The following ADCK1 variants were observed in gnomAD, a reference collection of about 807,000 sequenced individuals.
ADCK1 encodes the protein aarF domain containing kinase 1, also known as aarF domain-containing protein kinase 1.
In ADCK1, 41 loss-of-function variants were observed where a neutral mutation model predicts 52.3. The ratio of observed to expected loss-of-function variants is 0.78; its 90% CI spans 0.61 to 1.02. ADCK1 has a LOEUF of 1.02. Among genes scored for constraint, ADCK1 ranks in the 50% least tolerant of loss-of-function variants. The probability of loss-of-function intolerance (pLI) is 0.00; values close to 1 mark genes in which losing one functional copy is unlikely to be tolerated. For synonymous variants in ADCK1, 250 were observed against 274.6 expected, an observed-to-expected ratio of 0.91 and a Z score of 0.89; for missense variants, 658 against 679.5, an observed-to-expected ratio of 0.97 and a Z score of 0.35.
chr14:77,928,863 A>T (rs991358340), intron 9 of ADCK1, among the ~76,000 whole-genome samples: 1 of 152,214 alleles, frequency 6.6e-6, no homozygotes, highest in Non-Finnish European at 1.5e-5. Context: ...CTTTGCCAAA[A>T]GTCACCCCTT....
intron 6 of ADCK1, among the ~76,000 whole-genome samples, chr14:77,905,879 A>G (rs2083655117): frequency 6.6e-6 from 1 of 152,234 alleles, no homozygotes; most frequent in Admixed American, 6.5e-5. Context: ...ACTTTTTGAA[A>G]AATGCCAAGC....
chr14:77,845,256 T>C (rs1390529244), intron 3 of ADCK1, among the ~76,000 whole-genome samples: 1 of 152,242 alleles, frequency 6.6e-6, no homozygotes, highest in African/African-American at 2.4e-5. Flanking sequence ...TGTGTGGCCT[T>C]AGCCAAGCCA....
At chr14:77,924,194 A>G in intron 7 of ADCK1, 1 of 422,206 alleles carries the variant, frequency 2.4e-6, no homozygotes, top group Non-Finnish European at 4.3e-6. Context: ...ACCTAATCCC[A>G]TGTTCACGTC....
At chr14:77,810,269 C>T (rs2081313130) in intron 1 of ADCK1, among the ~76,000 whole-genome samples, 1 of 151,928 alleles carries the variant, frequency 6.6e-6, no homozygotes, top group Non-Finnish European at 1.5e-5. Flanking sequence ...GACACACCAC[C>T]ATGCCCAGCT....
intron 10 of ADCK1, among the ~76,000 whole-genome samples, chr14:77,932,259 G>A (rs1439724843): frequency 1.3e-5 from 2 of 152,100 alleles, no homozygotes; most frequent in Admixed American, 6.6e-5. Flanking sequence ...GTGTTGGCCA[G>A]GCTGGTCTTG....
At chr14:77,852,671 A>ATATAT (rs1566667220) in intron 3 of ADCK1, among the ~76,000 whole-genome samples, 34 of 10,804 alleles carry the variant, frequency 3.1e-3, no homozygotes, top group African/African-American at 6.7e-3. Flanking sequence ...ATATATATAT[A>ATATAT]TATATATATA....
chr14:77,804,773 C>T (rs952119238), intron 1 of ADCK1, among the ~76,000 whole-genome samples: 3 of 152,292 alleles, frequency 2.0e-5, no homozygotes, highest in East Asian at 1.9e-4. Context: ...GCTTTTGGAG[C>T]GCCCCCTATG....
chr14:77,896,929 C>T (rs1021933577), intron 5 of ADCK1, among the ~76,000 whole-genome samples: 1 of 152,172 alleles, frequency 6.6e-6, no homozygotes, highest in African/African-American at 2.4e-5. Flanking sequence ...GTACATCACC[C>T]AGGACATAGG....
In ADCK1 at chr14:77,923,865, T is replaced by C. The variant is rs1037950790; in HGVS notation, c.859-592T>C. ...ATCATAAATCAGATTAGCATTGGGC[T>C]CTGGCAGGGAGGGGAGCAGGGAGAG... is the stretch of plus-strand genomic sequence containing the variant. On this transcript the variant is annotated intron_variant, in intron 7 of 10. Coordinates refer to ENST00000238561, the MANE Select transcript of ADCK1 (RefSeq NM_020421.4). This position sits in a 1 kb window ranked among gnomAD's most constrained non-coding sequence, Gnocchi z 4.3. The C allele has an allele frequency of 3.9e-5, 6 of 153,080 alleles. No individual in the cohort carries two copies. Among genetic ancestry groups the C allele is most frequent in the African/African-American group, 1.2e-4 (5 of 41,336 alleles). The allele number at this position is 153,080 out of a possible 1,614,324, so 9.5% of individuals were successfully genotyped here. A position where few individuals can be genotyped will look rare whatever the true frequency, so the allele number is the denominator to read the frequency against.
intron 3 of ADCK1, among the ~76,000 whole-genome samples, chr14:77,839,411 C>T (rs368528562): frequency 8.5e-5 from 13 of 152,208 alleles, no homozygotes; most frequent in African/African-American, 2.6e-4. Flanking sequence ...TGTGCTGGGG[C>T]GAGCTCAGGA....
chr14:77,875,631 A>G (rs1005136899), intron 4 of ADCK1, among the ~76,000 whole-genome samples: 3 of 152,158 alleles, frequency 2.0e-5, no homozygotes, highest in African/African-American at 7.2e-5. Context: ...CGAAGTCCTC[A>G]TAGTGATGAG....
At chr14:77,815,199 CT>C (rs56211176) in intron 1 of ADCK1, among the ~76,000 whole-genome samples, 45,200 of 129,376 alleles carry the variant, frequency 0.35, 6,196 homozygotes, top group African/African-American at 0.49. Flanking sequence ...TTTGTTTTGT[CT>C]TTTTTTTTTT....
At chr14:77,831,068 G>C (rs1594894901) in intron 3 of ADCK1, among the ~76,000 whole-genome samples, 1 of 152,140 alleles carries the variant, frequency 6.6e-6, no homozygotes. Context: ...GAGGAGGTGG[G>C]CTTGCTGAAC....
At chr14:77,848,097 G>T (rs1206446148) in intron 3 of ADCK1, among the ~76,000 whole-genome samples, 2 of 152,110 alleles carry the variant, frequency 1.3e-5, no homozygotes, top group Non-Finnish European at 2.9e-5. Flanking sequence ...AGAGATGGGG[G>T]TCTCATTTTG....
chr14:77,912,680 A>G (rs994909429), intron 7 of ADCK1, among the ~76,000 whole-genome samples: 2 of 152,088 alleles, frequency 1.3e-5, no homozygotes, highest in African/African-American at 4.8e-5. Context: ...CCTAGGGTGT[A>G]GTGTGATTAG....
chr14:77,907,408 G>A (rs2083690775), intron 6 of ADCK1, among the ~76,000 whole-genome samples: 1 of 152,222 alleles, frequency 6.6e-6, no homozygotes, highest in Admixed American at 6.5e-5. Flanking sequence ...GTGAAATATT[G>A]GAGGCAGAGG....
chr14:77,875,312 A>G (rs1449376570), intron 4 of ADCK1, among the ~76,000 whole-genome samples: 1 of 152,058 alleles, frequency 6.6e-6, no homozygotes, highest in African/African-American at 2.4e-5. Flanking sequence ...TTAGCAGGTC[A>G]TCCTACTGGC....
chr14:77,814,991 A>G (rs1177840108), intron 1 of ADCK1, among the ~76,000 whole-genome samples: 1 of 150,776 alleles, frequency 6.6e-6, no homozygotes, highest in Non-Finnish European at 1.5e-5. Flanking sequence ...GGTTCAAGCA[A>G]TTCTCTTGCA....
intron 4 of ADCK1, among the ~76,000 whole-genome samples, chr14:77,880,144 C>A (rs1219150219): frequency 1.3e-5 from 2 of 152,080 alleles, no homozygotes; most frequent in Non-Finnish European, 2.9e-5. Context: ...GTATGGGTGC[C>A]CCTGGCTTCT....
Sources: gnomAD v4.1 joint callset for allele counts (sites outside exome capture counted in the v4.1 genomes callset) on GRCh38, gnomAD v4.1.1 for gene constraint, Gnocchi (gnomAD v3.1) non-coding constraint, MANE v1.5 for transcripts, NCBI Gene and HGNC (gene_info 2026-07-23, HGNC 2026-07-21) for gene names.